The following GRIK2 variants were observed in gnomAD, a reference collection of about 807,000 sequenced individuals.
The protein encoded by GRIK2 is glutamate ionotropic receptor kainate type subunit 2.
GRIK2 carries 32 observed loss-of-function variants against 100.3 expected under a neutral mutation model. The ratio of observed to expected loss-of-function variants is 0.32; its 90% CI spans 0.24 to 0.43. The LOEUF (loss-of-function observed/expected upper bound fraction) is 0.43. GRIK2 is among the 20% of genes least tolerant of loss of function. GRIK2 has a pLI of 1.00. For missense variants in GRIK2, 843 were observed against 1,114.9 expected (o/e 0.76, Z 3.47); for synonymous variants, 417 against 389.4 (o/e 1.07, Z -0.83).
rs142222900 is a variant in GRIK2 at position 101,856,922 on chromosome 6, G to A, written c.1318-2365G>A. On this transcript the variant is annotated intron_variant, in intron 10 of 16. Coordinates refer to ENST00000369134, the MANE Select transcript of GRIK2 (RefSeq NM_021956.5). ...CATGTAGGTGGATTTTGAATATACCGAGAATAATAAGAATTTGAAAAAAGA... is the reference window on the plus strand; with the variant it reads ...CATGTAGGTGGATTTTGAATATACCAAGAATAATAAGAATTTGAAAAAAGA... Among the ~76,000 whole-genome samples the A allele has an allele frequency of 1.4e-4, 21 of 152,168 alleles. No individual in the cohort carries two copies. The East Asian group carries it at 3.5e-3, about 25-fold the overall frequency.
At chr6:101,783,275 T>A (rs1451597532) in intron 7 of GRIK2, among the ~76,000 whole-genome samples, 1 of 151,572 alleles carries the variant, frequency 6.6e-6, no homozygotes, top group Non-Finnish European at 1.5e-5. Context: ...GGAGTTCTCA[T>A]GAGATCTGAT....
intron 4 of GRIK2, among the ~76,000 whole-genome samples, chr6:101,638,141 T>A (rs910680521): frequency 1.3e-5 from 2 of 151,552 alleles, no homozygotes; most frequent in African/African-American, 2.4e-5. Flanking sequence ...TCTAAATATC[T>A]TACAATTTAT....
chr6:101,769,413 G>A (rs1423706349), intron 7 of GRIK2, among the ~76,000 whole-genome samples: 3 of 152,150 alleles, frequency 2.0e-5, no homozygotes, highest in Non-Finnish European at 4.4e-5. Context: ...AGTCAGGAAT[G>A]CAGAGGAAGA....
rs142446838 is a variant in GRIK2 at position 101,557,034 on chromosome 6, C to A, written c.116-64915C>A. On this transcript the variant is annotated intron_variant, in intron 2 of 16. Coordinates refer to ENST00000369134, the MANE Select transcript of GRIK2 (RefSeq NM_021956.5). ...TTAAAGCTGTTTAAAAAAAAACTCT[C>A]TTTTAGGTGTTTCATTCTCTATATA... Among the ~76,000 whole-genome samples, 11 of 152,004 alleles carry A rather than the reference C, an allele frequency of 7.2e-5. No homozygotes were observed. The East Asian group carries it at 1.9e-3, about 27-fold the overall frequency.
chr6:101,624,121 T>C (rs1281510308), intron 3 of GRIK2, among the ~76,000 whole-genome samples: 1 of 152,168 alleles, frequency 6.6e-6, no homozygotes, highest in African/African-American at 2.4e-5. Context: ...GCTCAATTAA[T>C]AAATACTTTG....
chr6:101,817,255 T>C (rs1189831535), intron 9 of GRIK2, among the ~76,000 whole-genome samples: 1 of 152,194 alleles, frequency 6.6e-6, no homozygotes, highest in Non-Finnish European at 1.5e-5. Context: ...TGAGGAAATA[T>C]GGCAAAGAGA....
At chr6:101,954,586 A>G (rs565571418) in intron 14 of GRIK2, among the ~76,000 whole-genome samples, 5 of 152,290 alleles carry the variant, frequency 3.3e-5, no homozygotes, top group African/African-American at 1.2e-4. Context: ...GAACTCTTCT[A>G]TTAATTCTCA....
At chr6:101,748,300 C>A (rs1371224842) in intron 7 of GRIK2, among the ~76,000 whole-genome samples, 1 of 151,946 alleles carries the variant, frequency 6.6e-6, no homozygotes, top group Non-Finnish European at 1.5e-5. Context: ...TCTATAATTC[C>A]TTTCATCAAT....
intron 2 of GRIK2, among the ~76,000 whole-genome samples, chr6:101,556,189 A>C (rs1203149146): frequency 6.6e-6 from 1 of 151,800 alleles, no homozygotes; most frequent in Non-Finnish European, 1.5e-5. Context: ...TTTTTCTATA[A>C]AATTTTAAAA....
intron 11 of GRIK2, among the ~76,000 whole-genome samples, chr6:101,886,204 A>C (rs1346666121): frequency 2.0e-5 from 3 of 152,048 alleles, no homozygotes; most frequent in African/African-American, 7.2e-5. Context: ...GACCCTCTAA[A>C]TTCTCTGGTG....
rs371651979 is a variant in GRIK2 at position 101,641,703 on chromosome 6, A to G, written c.541+15066A>G. 4.1e-4 allele frequency among the ~76,000 whole-genome samples: 62 copies of G among 152,088 alleles called. 3 individuals carry two copies. In the East Asian group the frequency reaches 7.1e-3, roughly 18 times the overall value. ...CTTGTATTTGTGTGTTAAGAAGACA[A>G]ATCTAAAGGGTTTCCAAACATTGTC... is the stretch of plus-strand genomic sequence containing the variant. On this transcript the variant is annotated intron_variant, in intron 4 of 16. Coordinates refer to ENST00000369134, the MANE Select transcript of GRIK2 (RefSeq NM_021956.5).
At chr6:101,663,894 C>G (rs1769819482) in intron 4 of GRIK2, among the ~76,000 whole-genome samples, 2 of 152,166 alleles carry the variant, frequency 1.3e-5, no homozygotes, top group Non-Finnish European at 2.9e-5. Context: ...ACTCTCTACT[C>G]CCACCAAATC....
chr6:101,982,097 G>C (rs1793745791), intron 14 of GRIK2, among the ~76,000 whole-genome samples: 1 of 151,922 alleles, frequency 6.6e-6, no homozygotes, highest in South Asian at 2.1e-4. Context: ...AGTGATACTA[G>C]AATCTTACAA....
chr6:101,915,287 G>T (rs2257175), intron 12 of GRIK2, among the ~76,000 whole-genome samples: 141,834 of 151,348 alleles, frequency 0.94, 66,497 homozygotes, highest in Middle Eastern at 0.97. Flanking sequence ...CATTCTTATT[G>T]AAAGAAATTG....
intron 2 of GRIK2, among the ~76,000 whole-genome samples, chr6:101,514,007 G>T (rs1233683013): frequency 6.6e-6 from 1 of 151,964 alleles, no homozygotes; most frequent in East Asian, 1.9e-4. Flanking sequence ...CAAATTGCTT[G>T]CAAGACCGAT....
At chr6:101,897,300 G>A (rs2128460156) in intron 12 of GRIK2, among the ~76,000 whole-genome samples, 1 of 151,620 alleles carries the variant, frequency 6.6e-6, no homozygotes, top group East Asian at 1.9e-4. Flanking sequence ...AGAACCAACA[G>A]GATAAGGAAA....
At chr6:101,656,072 G>A (rs759145024) in intron 4 of GRIK2, among the ~76,000 whole-genome samples, 66 of 152,142 alleles carry the variant, frequency 4.3e-4, no homozygotes, top group Admixed American at 1.3e-3. Flanking sequence ...GGAGGCCAAG[G>A]TGGGTGGATC....
intron 15 of GRIK2, among the ~76,000 whole-genome samples, chr6:102,047,062 C>A (rs1770928635): frequency 6.6e-6 from 1 of 152,008 alleles, no homozygotes; most frequent in Non-Finnish European, 1.5e-5. Flanking sequence ...GCAGCAAAAG[C>A]AGTTCTATAA....
At chr6:101,618,235 A>G (rs886653240) in intron 2 of GRIK2, among the ~76,000 whole-genome samples, 3 of 151,584 alleles carry the variant, frequency 2.0e-5, no homozygotes, top group African/African-American at 7.2e-5. Flanking sequence ...TGAAAATACA[A>G]TCCTTTTTTA....
Sources: gnomAD v4.1 joint callset for allele counts (sites outside exome capture counted in the v4.1 genomes callset) on GRCh38, gnomAD v4.1.1 for gene constraint, MANE v1.5 for transcripts, NCBI Gene and HGNC (gene_info 2026-07-23, HGNC 2026-07-21) for gene names.